Variants in EPSTI1 observed in about 807,000 individuals in gnomAD.
EPSTI1 encodes epithelial-stromal interaction protein 1.
In EPSTI1, 66 loss-of-function variants were observed where a neutral mutation model predicts 49.9. The ratio of observed to expected loss-of-function variants is 1.32; its 90% CI spans 1.08 to 1.62. The LOEUF is 1.62. Among genes scored for constraint, EPSTI1 ranks in the 40% most tolerant of loss-of-function variants. EPSTI1 has a pLI of 0.00. For synonymous variants in EPSTI1, 137 were observed against 130.7 expected, an observed-to-expected ratio of 1.05 and a Z score of -0.33; for missense variants, 394 against 365.5, an observed-to-expected ratio of 1.08 and a Z score of -0.64.
intron 1 of EPSTI1, among the ~76,000 whole-genome samples, chr13:42,989,168 G>A (rs2040141035): frequency 6.7e-6 from 1 of 149,920 alleles, no homozygotes; most frequent in African/African-American, 2.5e-5. Context: ...ACCACAAGTA[G>A]GTGTTTTAAA....
chr13:42,916,664 A>C (rs2037840253), intron 8 of EPSTI1, among the ~76,000 whole-genome samples: 1 of 152,230 alleles, frequency 6.6e-6, no homozygotes, highest in African/African-American at 2.4e-5. Flanking sequence ...TATAGAACTG[A>C]ATATACAGAT....
chr13:42,899,098 T>C (rs953533954), intron 9 of EPSTI1, among the ~76,000 whole-genome samples: 3 of 151,218 alleles, frequency 2.0e-5, no homozygotes, highest in Non-Finnish European at 4.4e-5. Context: ...CTCAGGAGGC[T>C]GAGGCAGGAG....
intron 8 of EPSTI1, among the ~76,000 whole-genome samples, chr13:42,902,881 A>G (rs539229374): frequency 5.3e-5 from 8 of 152,312 alleles, no homozygotes; most frequent in African/African-American, 1.9e-4. Flanking sequence ...GATGCATTCA[A>G]AATAAATGGT....
chr13:42,969,355 C>A, intron 2 of EPSTI1, 178 bp from the exon 3 acceptor site: 1 of 630,396 alleles, frequency 1.6e-6, no homozygotes, highest in South Asian at 2.1e-5. Context: ...TCATCCTGGG[C>A]CCGGCCCTGT....
Position 42,926,445 on chromosome 13 carries a change from A to G in EPSTI1, c.564-16T>C, listed in dbSNP as rs770168130. The G allele has an allele frequency of 6.6e-7, 1 of 1,504,540 alleles. No homozygotes were observed. The highest frequency in any genetic ancestry group is 2.3e-5 in the East Asian group (1 of 44,340). 93.2% of individuals were successfully genotyped at this position (1,504,540 alleles called of 1,614,324 possible). A position where few individuals can be genotyped will look rare whatever the true frequency, so the allele number is the denominator to read the frequency against. The stretch of plus-strand genomic sequence containing the variant: ...AGCGGTTTTGCTACCAGAAACACAA[A>G]CAGGTGTTAGTGCCTTCACAAAAAT... On this transcript the variant is annotated splice_polypyrimidine_tract_variant and intron_variant, in intron 6 of 10. Coordinates refer to ENST00000313624, the MANE Select transcript of EPSTI1 (RefSeq NM_033255.5).
At chr13:42,973,115 G>A (rs767484880) in intron 1 of EPSTI1, among the ~76,000 whole-genome samples, 1 of 152,186 alleles carries the variant, frequency 6.6e-6, no homozygotes, top group African/African-American at 2.4e-5. Context: ...TCTCTCTTAC[G>A]GAAATTTTGC....
At chr13:42,914,719 G>C (rs2037781774) in intron 8 of EPSTI1, among the ~76,000 whole-genome samples, 1 of 152,076 alleles carries the variant, frequency 6.6e-6, no homozygotes, top group Admixed American at 6.6e-5. Context: ...TCAAGGAAGG[G>C]GTTAGCTGGT....
intron 6 of EPSTI1, among the ~76,000 whole-genome samples, chr13:42,950,720 A>G (rs1397760974): frequency 6.6e-6 from 1 of 152,226 alleles, no homozygotes; most frequent in Non-Finnish European, 1.5e-5. Context: ...TGGTGAAACT[A>G]GCAAAGTATT....
intron 8 of EPSTI1, among the ~76,000 whole-genome samples, chr13:42,914,551 T>G (rs2037777337): frequency 6.6e-6 from 1 of 152,216 alleles, no homozygotes; most frequent in African/African-American, 2.4e-5. Flanking sequence ...ATTTTACATT[T>G]AGGAAGCAAT....
At chr13:42,978,635 A>G (rs2153435012) in intron 1 of EPSTI1, among the ~76,000 whole-genome samples, 1 of 152,322 alleles carries the variant, frequency 6.6e-6, no homozygotes, top group East Asian at 1.9e-4. Context: ...ATTCTATTAT[A>G]GTTTTCCATT....
chr13:42,939,168 GC>G (rs1241623212), intron 6 of EPSTI1, among the ~76,000 whole-genome samples: 1 of 152,114 alleles, frequency 6.6e-6, no homozygotes, highest in East Asian at 1.9e-4. Context: ...TCTAGCTTAG[GC>G]TTTGGCTTAA....
At chr13:42,983,462 G>T (rs937204101) in intron 1 of EPSTI1, among the ~76,000 whole-genome samples, 7 of 151,218 alleles carry the variant, frequency 4.6e-5, no homozygotes, top group African/African-American at 1.7e-4. Flanking sequence ...TACTCGAGAG[G>T]CTGAGGCAGG....
rs544789853 is a variant in EPSTI1, at chr13:42,889,357, A to G, written c.916-855T>C. The G allele has an allele frequency of 5.6e-4, 386 of 691,960 alleles. 6 individuals carry two copies. In the South Asian group the frequency reaches 8.4e-3, roughly 15 times the overall value. 42.9% of individuals were successfully genotyped at this position (691,960 alleles called of 1,614,324 possible). A position where few individuals can be genotyped will look rare whatever the true frequency, so the allele number is the denominator to read the frequency against. ...AAATTAACAATGATTAAAAAATAAAAATCAATCCACCTAACATACACACTT... is the reference window on the plus strand; with the variant it reads ...AAATTAACAATGATTAAAAAATAAAGATCAATCCACCTAACATACACACTT... On this transcript the variant is annotated intron_variant, in intron 10 of 10. Coordinates refer to ENST00000313624, the MANE Select transcript of EPSTI1 (RefSeq NM_033255.5).
chr13:42,963,462 T>C (rs2039518468), intron 4 of EPSTI1, 124 bp from the exon 5 acceptor site: 3 of 707,890 alleles, frequency 4.2e-6, no homozygotes, highest in South Asian at 3.7e-5. Flanking sequence ...ACCATGATTA[T>C]AGGTTGTTAC....
intron 6 of EPSTI1, among the ~76,000 whole-genome samples, chr13:42,947,143 T>C (rs757787158): frequency 6.6e-6 from 1 of 152,124 alleles, no homozygotes; most frequent in Non-Finnish European, 1.5e-5. Flanking sequence ...TGAAACACAA[T>C]GTTGTATTAC....
chr13:42,934,157 C>G (rs2038477255), intron 6 of EPSTI1: 1 of 165,752 alleles, frequency 6.0e-6, no homozygotes, highest in South Asian at 1.7e-4. Flanking sequence ...GTATTACCTT[C>G]TTCTGCCCTG....
intron 6 of EPSTI1, among the ~76,000 whole-genome samples, chr13:42,946,576 G>A (rs1159383301): frequency 1.2e-4 from 19 of 152,174 alleles, no homozygotes. Context: ...CCCAGAGAAA[G>A]CAGACACATT....
rs143343217 is a variant in EPSTI1 at position 42,895,015 on chromosome 13, G to A, written c.909C>T (p.Asn303=). ...SGGCWNMNSG[N]SWGI ...GAGAAAAGAAAAAACTCACCCAGCT[G>A]TTACCGCTATTCATATTCCAACAGC... Residue 303 remains asparagine, a synonymous_variant, in exon 10 of 11, where the codon AAC becomes AAT. Coordinates refer to ENST00000313624, the MANE Select transcript of EPSTI1 (RefSeq NM_033255.5). The A allele has an allele frequency of 2.9e-5, 47 of 1,609,822 alleles. No homozygotes were observed. Among genetic ancestry groups the A allele is most frequent in the Non-Finnish European group, 3.9e-5 (46 of 1,178,196 alleles).
intron 7 of EPSTI1, among the ~76,000 whole-genome samples, chr13:42,925,574 C>T (rs746643335): frequency 6.6e-6 from 1 of 152,174 alleles, no homozygotes; most frequent in Non-Finnish European, 1.5e-5. Flanking sequence ...CCTGAATTTC[C>T]AGAGGTAACA....
Sources: gnomAD v4.1 joint callset for allele counts (sites outside exome capture counted in the v4.1 genomes callset) on GRCh38, gnomAD v4.1.1 for gene constraint, MANE v1.5 for transcripts, NCBI Gene and HGNC (gene_info 2026-07-23, HGNC 2026-07-21) for gene names.